Variants in LY75 observed in about 807,000 individuals in gnomAD.
LY75 encodes lymphocyte antigen 75.
Under a neutral mutation model 231.7 loss-of-function variants are expected in LY75, and 185 were observed. The observed-to-expected ratio is 0.80, with a 90% confidence interval of 0.71 to 0.90. The LOEUF (loss-of-function observed/expected upper bound fraction) is 0.90. Ranked by LOEUF, LY75 falls within the 40% of genes least tolerant of loss-of-function variation. The pLI is 0.00. For synonymous variants in LY75, 668 were observed against 689.0 expected, an observed-to-expected ratio of 0.97 and a Z score of 0.48; for missense variants, 1,947 against 2,050.2, an observed-to-expected ratio of 0.95 and a Z score of 0.97.
chr2:159,849,529 T>C (rs1243554091), intron 23 of LY75, among the ~76,000 whole-genome samples: 1 of 152,176 alleles, frequency 6.6e-6, no homozygotes, highest in Non-Finnish European at 1.5e-5. Context: ...ACTCACTACA[T>C]GATGGTTTTA....
intron 16 of LY75, among the ~76,000 whole-genome samples, chr2:159,857,600 G>A (rs1560084660): frequency 6.6e-6 from 1 of 152,084 alleles, no homozygotes; most frequent in Non-Finnish European, 1.5e-5. Flanking sequence ...AAATTGGCTA[G>A]GTGCGGTAGT....
At chr2:159,896,996 T>C (rs1416965705) in intron 2 of LY75, among the ~76,000 whole-genome samples, 1 of 152,196 alleles carries the variant, frequency 6.6e-6, no homozygotes, top group East Asian at 1.9e-4. Flanking sequence ...ATTGCTTAGC[T>C]CTCTCTGGGT....
rs887141577 is a variant in LY75, at chr2:159,898,901, C to G, written c.253G>C (p.Gly85Arg). Residue 85 changes from glycine (G) to arginine (R), a missense_variant, in exon 2 of 35, where the codon GGC becomes CGC. By Grantham distance (125) the Gly-to-Arg change is moderately radical (BLOSUM62 -2). Coordinates refer to ENST00000263636, the MANE Select transcript of LY75 (RefSeq NM_002349.4). ...TTTACCGATTTGGTAATATCGAGGC[C>G]AAGGCACTTTTGGGAGTGCAAATGA... Reference protein sequence around the residue: ...LFHLHSQKCLGLDITKSVNEL... With the variant: ...LFHLHSQKCLRLDITKSVNEL... 1.2e-6 allele frequency: 2 copies of G among 1,614,178 alleles called. No homozygotes were observed. The highest frequency in any genetic ancestry group is 8.5e-7 in the Non-Finnish European group (1 of 1,180,040).
At chr2:159,861,918 G>T (rs1401277073) in intron 14 of LY75, among the ~76,000 whole-genome samples, 1 of 151,918 alleles carries the variant, frequency 6.6e-6, no homozygotes, top group African/African-American at 2.4e-5. Context: ...ACTTTGGGAG[G>T]CTAAGATGGG....
chr2:159,878,680 C>T lies in LY75; in HGVS notation c.1557G>A (p.Glu519=). The T allele has an allele frequency of 6.2e-7, 1 of 1,613,952 alleles. No homozygotes were observed. The highest frequency in any genetic ancestry group is 2.2e-5 in the East Asian group (1 of 44,866). The change falls in exon 10 of 35, where the codon GAG becomes GAA. Residue 519 remains glutamate, a synonymous_variant. Transcript: ENST00000263636. The stretch of plus-strand genomic sequence containing the variant: ...AGTTTGTTCCAAAAGGGACCTCATC[C>T]TCATAAATCTTGTAACAGGTTTCTC... ...RHGETCYKIY[E]DEVPFGTNCN...
chr2:159,898,606 A>G (rs1685969973), intron 2 of LY75, 82 bp downstream of exon 2: 1 of 1,539,346 alleles, frequency 6.5e-7, no homozygotes, highest in African/African-American at 1.4e-5. Flanking sequence ...GTACGACTCT[A>G]TTTTTACTAA....
chr2:159,893,425 A>C (rs1192997495), intron 3 of LY75, among the ~76,000 whole-genome samples: 4 of 152,178 alleles, frequency 2.6e-5, no homozygotes, highest in African/African-American at 9.7e-5. Flanking sequence ...TTATGAAATG[A>C]GGTGTTGCCT....
intron 32 of LY75, 110 bp from the exon 33 acceptor site, chr2:159,808,681 A>T: frequency 6.9e-7 from 1 of 1,440,486 alleles, no homozygotes. Flanking sequence ...TCATTGATAA[A>T]TTCAAGCCTT....
At chr2:159,870,039 G>C (rs928545523) in intron 13 of LY75, among the ~76,000 whole-genome samples, 1 of 152,128 alleles carries the variant, frequency 6.6e-6, no homozygotes, top group Non-Finnish European at 1.5e-5. Context: ...GAGATTCTAC[G>C]ATAGATGCTT....
chr2:159,874,572 ATG>A (rs376093750), intron 12 of LY75, among the ~76,000 whole-genome samples: 4,215 of 15,468 alleles, frequency 0.27, 1,598 homozygotes, highest in Middle Eastern at 1. Flanking sequence ...CTATATAAAT[ATG>A]TACATATTTT....
At chr2:159,885,988 A>T (rs886347616) in intron 5 of LY75, among the ~76,000 whole-genome samples, 2 of 152,192 alleles carry the variant, frequency 1.3e-5, no homozygotes, top group African/African-American at 4.8e-5. Context: ...TATAAAATAC[A>T]ACCATTATAT....
intron 20 of LY75, 31 bp from the exon 21 acceptor site, chr2:159,852,371 TG>T: frequency 6.3e-7 from 1 of 1,588,962 alleles, no homozygotes; most frequent in Non-Finnish European, 8.5e-7. Context: ...ATTACTATGG[TG>T]AGAATTTTTC....
At chr2:159,871,537 C>A (rs1685012208) in intron 13 of LY75, among the ~76,000 whole-genome samples, 1 of 151,866 alleles carries the variant, frequency 6.6e-6, no homozygotes, top group South Asian at 2.1e-4. Flanking sequence ...TTTTGTGGCC[C>A]CTTCCTCCCA....
intron 32 of LY75, among the ~76,000 whole-genome samples, chr2:159,810,137 G>A (rs1345973411): frequency 1.3e-5 from 2 of 152,116 alleles, no homozygotes; most frequent in African/African-American, 4.8e-5. Flanking sequence ...GGGTTCAAGC[G>A]ATTCTCCTGC....
rs749983692 is a variant in LY75 at position 159,882,127 on chromosome 2, CATT to C, written c.1240_1242del (p.Asn414del). 2 of 1,611,968 alleles carry C rather than the reference CATT, an allele frequency of 1.2e-6. No individual in the cohort carries two copies. The highest frequency in any genetic ancestry group is 1.7e-6 in the Non-Finnish European group (2 of 1,179,026). ...TAGGGTATTTTTAAAAACTTACCCT[CATT>C]ATGGAGTTTTGTGACAACCACCTCC... On this transcript the variant is annotated inframe_deletion, in exon 7 of 35. Coordinates refer to ENST00000263636, the MANE Select transcript of LY75 (RefSeq NM_002349.4).
At chr2:159,834,509 G>T (rs533547947) in intron 26 of LY75, among the ~76,000 whole-genome samples, 1 of 152,078 alleles carries the variant, frequency 6.6e-6, no homozygotes, top group Non-Finnish European at 1.5e-5. Context: ...AAGTACAAGG[G>T]ACCACCCCTA....
chr2:159,870,574 G>A (rs564365141), intron 13 of LY75, among the ~76,000 whole-genome samples: 9 of 152,028 alleles, frequency 5.9e-5, no homozygotes, highest in South Asian at 2.1e-4. Flanking sequence ...GCACTATCTT[G>A]TCTCACTGTA....
At chr2:159,855,674 G>A (rs989769353) in intron 16 of LY75, among the ~76,000 whole-genome samples, 19 of 152,088 alleles carry the variant, frequency 1.2e-4, no homozygotes, top group African/African-American at 4.1e-4. Flanking sequence ...AAAACTAGAT[G>A]GCTACCTGAC....
chr2:159,872,066 T>G (rs1685031250), intron 13 of LY75: 1 of 160,468 alleles, frequency 6.2e-6, no homozygotes, highest in Non-Finnish European at 1.4e-5. Context: ...CCTTCTCCTA[T>G]CTTGCCTTTT....
Sources: allele counts gnomAD v4.1 joint callset (sites outside exome capture counted in the v4.1 genomes callset), GRCh38; gene constraint gnomAD v4.1.1; transcripts MANE v1.5; gene names NCBI Gene and HGNC (gene_info 2026-07-23, HGNC 2026-07-21).